CPEB3: variants seen among roughly 807,000 people sequenced by gnomAD.
CPEB3 encodes cytoplasmic polyadenylation element-binding protein 3.
A neutral mutation model predicts 67.2 loss-of-function variants in CPEB3; 20 were observed. The observed-to-expected ratio is 0.30, with a 90% CI of 0.21 to 0.43. The LOEUF (loss-of-function observed/expected upper bound fraction) is 0.43, where lower values mean the gene tolerates loss of function less well. Ranked by LOEUF, CPEB3 falls within the 20% of genes least tolerant of loss-of-function variation. CPEB3 has a pLI of 1.00. For missense variants in CPEB3, 746 were observed against 968.6 expected (o/e 0.77, Z 3.05); for synonymous variants, 376 against 393.1 (o/e 0.96, Z 0.51).
At chr10:92,061,550 G>A (rs1378324465) in intron 9 of CPEB3, among the ~76,000 whole-genome samples, 2 of 151,950 alleles carry the variant, frequency 1.3e-5, no homozygotes, top group Non-Finnish European at 2.9e-5. Flanking sequence ...TAGAACTGGA[G>A]ATCACTATGT....
intron 9 of CPEB3, among the ~76,000 whole-genome samples, chr10:92,068,907 C>A (rs1377815901): frequency 8.5e-5 from 13 of 152,202 alleles, no homozygotes; most frequent in Admixed American, 8.5e-4. Flanking sequence ...GATACTTGAA[C>A]TCACTTCTGA....
At chr10:92,197,934 C>T (rs980732561) in intron 2 of CPEB3, among the ~76,000 whole-genome samples, 2 of 152,068 alleles carry the variant, frequency 1.3e-5, no homozygotes, top group South Asian at 2.1e-4. Context: ...TAGTGAAACA[C>T]CATCTCTACT....
intron 4 of CPEB3, among the ~76,000 whole-genome samples, chr10:92,165,320 T>G (rs1356930193): frequency 6.6e-6 from 1 of 150,384 alleles, no homozygotes; most frequent in Non-Finnish European, 1.5e-5. Context: ...TCGAAAAAAT[T>G]AAAAATAAAA....
chr10:92,223,003 A>C (rs1850776294), intron 2 of CPEB3, among the ~76,000 whole-genome samples: 1 of 152,244 alleles, frequency 6.6e-6, no homozygotes, highest in South Asian at 2.1e-4. Context: ...ACTTAAATAA[A>C]AGGATGGCAG....
chr10:92,069,220 T>A (rs1304051854), intron 9 of CPEB3, among the ~76,000 whole-genome samples: 1 of 152,186 alleles, frequency 6.6e-6, no homozygotes, highest in Non-Finnish European at 1.5e-5. Context: ...GCTAAAAATA[T>A]ACACCCTTTG....
intron 7 of CPEB3, among the ~76,000 whole-genome samples, chr10:92,092,229 A>G (rs958844562): frequency 3.9e-5 from 6 of 152,306 alleles, no homozygotes; most frequent in Non-Finnish European, 8.8e-5. Context: ...GCAGGCTTTT[A>G]GAGACAGAGT....
chr10:92,209,920 C>T (rs1465358435), intron 2 of CPEB3, among the ~76,000 whole-genome samples: 5 of 121,892 alleles, frequency 4.1e-5, no homozygotes, highest in African/African-American at 1.3e-4. Context: ...CCAGCCTGGG[C>T]GACAGAGCTA....
At chr10:92,198,067 T>C (rs1234726478) in intron 2 of CPEB3, among the ~76,000 whole-genome samples, 7 of 152,090 alleles carry the variant, frequency 4.6e-5, no homozygotes, top group Non-Finnish European at 1.0e-4. Context: ...GATCACGCCA[T>C]TGCACTCCAC....
At chr10:92,221,172 G>A (rs915562774) in intron 2 of CPEB3, among the ~76,000 whole-genome samples, 28 of 152,320 alleles carry the variant, frequency 1.8e-4, no homozygotes, top group South Asian at 6.2e-4. Context: ...TCCTGTACCA[G>A]AAATGTAACA....
intron 1 of CPEB3, among the ~76,000 whole-genome samples, chr10:92,256,824 T>C (rs1303109129): frequency 6.6e-6 from 1 of 152,248 alleles, no homozygotes; most frequent in Non-Finnish European, 1.5e-5. Context: ...CATATATCTC[T>C]ATTACAGTAT....
chr10:92,136,695 G>A (rs139136452), intron 6 of CPEB3, among the ~76,000 whole-genome samples: 2,471 of 152,090 alleles, frequency 0.016, 62 homozygotes, highest in African/African-American at 0.056. Context: ...TGAGTAGCTG[G>A]GATTACAGGC....
At chr10:92,253,772 C>T (rs1852405834) in intron 1 of CPEB3, among the ~76,000 whole-genome samples, 1 of 151,798 alleles carries the variant, frequency 6.6e-6, no homozygotes, top group African/African-American at 2.4e-5. Flanking sequence ...ACAAAACACA[C>T]AATATATTTG....
chr10:92,249,515 G>A (rs561498949), intron 1 of CPEB3, among the ~76,000 whole-genome samples: 4 of 152,142 alleles, frequency 2.6e-5, no homozygotes, highest in African/African-American at 9.6e-5. Context: ...TAGAAAGGTG[G>A]TGCATGCCTG....
rs1213829330 is a variant in CPEB3 at position 92,050,258 on chromosome 10, T to C, written c.*1954A>G. 2 of 152,618 alleles carry C rather than the reference T, an allele frequency of 1.3e-5. No individual in the cohort carries two copies. The highest frequency in any genetic ancestry group is 2.9e-5 in the Non-Finnish European group (2 of 68,038). 9.5% of individuals were successfully genotyped at this position (152,618 alleles called of 1,614,324 possible). ...AAAGGGGAGGATTCTAAAATAAGCA[T>C]TTTTAATCCAGTAAAAAACTATTTT... is the stretch of plus-strand genomic sequence containing the variant. On this transcript the variant is annotated 3_prime_UTR_variant, in exon 10 of 10. Coordinates refer to ENST00000265997, the MANE Select transcript of CPEB3 (RefSeq NM_014912.5).
chr10:92,159,456 G>A (rs1847361260), intron 4 of CPEB3, among the ~76,000 whole-genome samples: 1 of 152,032 alleles, frequency 6.6e-6, no homozygotes, highest in Non-Finnish European at 1.5e-5. Flanking sequence ...CAGATCATCT[G>A]AGGTCAGGAG....
chr10:92,113,238 A>T (rs1264034029), intron 6 of CPEB3, among the ~76,000 whole-genome samples: 1 of 152,216 alleles, frequency 6.6e-6, no homozygotes, highest in Non-Finnish European at 1.5e-5. Flanking sequence ...AGTCAGGAAA[A>T]ATAAAACCTG....
At chr10:92,180,480 A>T (rs1298953117) in intron 4 of CPEB3, among the ~76,000 whole-genome samples, 1 of 152,132 alleles carries the variant, frequency 6.6e-6, no homozygotes, top group Non-Finnish European at 1.5e-5. Flanking sequence ...GAGTTGGCAA[A>T]CATTTTCTGT....
At chr10:92,254,394 T>C (rs1852433187) in intron 1 of CPEB3, among the ~76,000 whole-genome samples, 1 of 152,278 alleles carries the variant, frequency 6.6e-6, no homozygotes, top group South Asian at 2.1e-4. Flanking sequence ...ATCTTCTGAG[T>C]GATGATCTGT....
At chr10:92,121,700 T>C (rs1210822345) in intron 6 of CPEB3, among the ~76,000 whole-genome samples, 2 of 151,872 alleles carry the variant, frequency 1.3e-5, no homozygotes, top group African/African-American at 4.8e-5. Context: ...CTTGTGGAGC[T>C]GTATCCTGAA....
Sources: gnomAD v4.1 joint callset for allele counts (sites outside exome capture counted in the v4.1 genomes callset) on GRCh38, gnomAD v4.1.1 for gene constraint, MANE v1.5 for transcripts, NCBI Gene and HGNC (gene_info 2026-07-23, HGNC 2026-07-21) for gene names.